ATXN7L3: variants seen among roughly 807,000 people sequenced by gnomAD.
The protein encoded by ATXN7L3 is ataxin 7 like 3.
ATXN7L3 carries 6 observed loss-of-function variants against 50.0 expected under a neutral mutation model. The ratio of observed to expected loss-of-function variants is 0.12; its 90% CI spans 0.07 to 0.24. The LOEUF is 0.24. Among genes scored for constraint, ATXN7L3 ranks in the 10% least tolerant of loss-of-function variants. The pLI is 1.00. For synonymous variants in ATXN7L3, 198 were observed against 165.8 expected (o/e 1.19, Z -1.49); for missense variants, 322 against 451.3 (o/e 0.71, Z 2.60).
At position 44,197,718 on chromosome 17, in the gene ATXN7L3, C is replaced by G; in HGVS notation, c.64G>C (p.Glu22Gln). 1 of 1,614,270 alleles carries G rather than the reference C, an allele frequency of 6.2e-7. No individual in the cohort carries two copies. Residue 22 changes from glutamate (E) to glutamine (Q), a missense_variant, in exon 3 of 13, where the codon GAG becomes CAG. Coordinates refer to ENST00000587097, the MANE Select transcript of ATXN7L3 (RefSeq NM_001382309.1). Reference protein sequence around the residue: ...DNSKLEAIAQEIYADLVEDSC... With the variant: ...DNSKLEAIAQQIYADLVEDSC... ...TCCTCGACCAGGTCCGCGTATATCT[C>G]CTGAGCGATGGCCTGGGCCCCAGGG...
In ATXN7L3 at chr17:44,194,645, T is replaced by G. The variant is rs761687454; in HGVS notation, c.767A>C (p.Asp256Ala). 4 of 1,614,102 alleles carry G rather than the reference T, an allele frequency of 2.5e-6. No homozygotes were observed. In the South Asian group the frequency reaches 4.4e-5, roughly 18 times the overall value. Residue 256 changes from aspartate to alanine, a missense_variant, in exon 12 of 13, where the codon GAT (aspartate) becomes GCT (alanine). Transcript: ENST00000587097. ...AVLPEVESSLDNDSFDMTDSQ... is the reference protein window; with the variant it reads ...AVLPEVESSLANDSFDMTDSQ... ...GTCAGTCATGTCAAAGCTGTCATTATCCAGGGAGCTCTCGACCTCTGGAAG... is the reference window on the plus strand; with the variant it reads ...GTCAGTCATGTCAAAGCTGTCATTAGCCAGGGAGCTCTCGACCTCTGGAAG...
intron 11 of ATXN7L3, 24 bp downstream of exon 11, chr17:44,194,744 C>G (rs1425808109): frequency 1.2e-6 from 2 of 1,613,990 alleles, no homozygotes; most frequent in Admixed American, 3.3e-5. Context: ...CACAACCCCC[C>G]ACCCTTCCTG....
intron 10 of ATXN7L3, 60 bp downstream of exon 10, chr17:44,195,037 C>T (rs2055832922): frequency 3.8e-6 from 6 of 1,591,038 alleles, no homozygotes; most frequent in East Asian, 2.2e-5. Flanking sequence ...GTACTCCCAA[C>T]CCATGCCCAT....
chr17:44,195,360 C>T, intron 9 of ATXN7L3, 59 bp downstream of exon 9: 2 of 1,552,578 alleles, frequency 1.3e-6, no homozygotes, highest in South Asian at 1.1e-5. Flanking sequence ...AGGCCTTGAC[C>T]ACTGCCTATG....
At chr17:44,195,548 G>A in intron 8 of ATXN7L3, 61 bp from the exon 9 acceptor site, 4 of 1,521,156 alleles carry the variant, frequency 2.6e-6, no homozygotes, top group Non-Finnish European at 3.6e-6. Context: ...GGACAGGGGT[G>A]GAAGTGAGAA....
intron 6 of ATXN7L3, 80 bp from the exon 7 acceptor site, chr17:44,196,159 T>C: frequency 2.0e-6 from 3 of 1,505,230 alleles, no homozygotes; most frequent in Non-Finnish European, 2.8e-6. Context: ...AAAAAAGATT[T>C]GACAAAGCAG....
Position 44,196,398 on chromosome 17 carries a change from T to C in ATXN7L3, c.475A>G (p.Lys159Glu). ...CCAATGCCTGGCCCGGCTCTCACCT[T>C]GTCTGACTTTCTCTTCTTGGCTGTG... is the stretch of plus-strand genomic sequence containing the variant. ...EKKAKKRKSD[K>E]NPNSPRRSKS... The change falls in exon 6 of 13, where the codon AAG becomes GAG. Residue 159 changes from lysine to glutamate, a missense_variant and splice_region_variant. Physicochemically the swap from Lys to Glu is moderately conservative, Grantham distance 56. Transcript: ENST00000587097. 1 of 1,614,098 alleles carries C rather than the reference T, an allele frequency of 6.2e-7. No homozygotes were observed.
rs1215673514 is a variant in ATXN7L3, at chr17:44,194,356, C to T, written c.951G>A (p.Leu317=). 1.2e-6 allele frequency: 2 copies of T among 1,614,126 alleles called. No homozygotes were observed. Among genetic ancestry groups the T allele is most frequent in the Admixed American group, 3.3e-5 (2 of 60,010 alleles). Residue 317 remains leucine (L), a synonymous_variant, in exon 13 of 13, where the codon CTG becomes CTA. Coordinates refer to ENST00000587097, the MANE Select transcript of ATXN7L3 (RefSeq NM_001382309.1). ...AACCTAGGCCGGAGGCAGTCCCTAC[C>T]AGGCTCAGATGGGATTTCTTTTTCT... ...KTKKKKSHLS[L]VGTASGLGSN... is the part of the protein sequence containing the mutation.
In ATXN7L3 at chr17:44,194,181, G is replaced by A. The variant is rs1241625851; in HGVS notation, c.*82C>T. The A allele has an allele frequency of 3.3e-6, 5 of 1,529,504 alleles. No individual in the cohort carries two copies. The highest frequency in any genetic ancestry group is 3.5e-6 in the Non-Finnish European group (4 of 1,133,232). 94.7% of individuals were successfully genotyped at this position (1,529,504 alleles called of 1,614,324 possible). On this transcript the variant is annotated 3_prime_UTR_variant, in exon 13 of 13. Coordinates refer to ENST00000587097, the MANE Select transcript of ATXN7L3 (RefSeq NM_001382309.1). ...TCCCAAGCCCCAACCCCCAGCAGCC[G>A]TCCATTTGCCAGGCTATGCCACCTG... is the stretch of plus-strand genomic sequence containing the variant.
chr17:44,195,296 T>C lies in ATXN7L3; in HGVS notation c.621+123A>G. 5 of 1,371,312 alleles carry C rather than the reference T, an allele frequency of 3.6e-6. No homozygotes were observed. In the South Asian group the frequency reaches 4.7e-5, roughly 13 times the overall value. The allele number at this position is 1,371,312 out of a possible 1,614,324, so 84.9% of individuals were successfully genotyped here. A position where few individuals can be genotyped will look rare whatever the true frequency, so the allele number is the denominator to read the frequency against. ...GGACACTATGGGCCGGGAAACCTAA[T>C]TCCAGACAGAGAGAACGATACGGCC... On this transcript the variant is annotated intron_variant, in intron 9 of 12. Coordinates refer to ENST00000587097, the MANE Select transcript of ATXN7L3 (RefSeq NM_001382309.1).
In ATXN7L3 at chr17:44,196,086, T is replaced by C. The variant is rs1360540158; in HGVS notation, c.478-7A>G. The stretch of plus-strand genomic sequence containing the variant: ...TTCGAGGGGAATTGGGGTTCTGGAA[T>C]GGGAGATACCATAGCTTTGGGGAAA... On this transcript the variant is annotated splice_region_variant and splice_polypyrimidine_tract_variant and intron_variant, in intron 6 of 12. Transcript: ENST00000587097. 4.3e-6 allele frequency: 7 copies of C among 1,612,756 alleles called. No homozygotes were observed. Among genetic ancestry groups the C allele is most frequent in the Non-Finnish European group, 5.9e-6 (7 of 1,178,974 alleles).
chr17:44,192,394 G>A lies in ATXN7L3; in HGVS notation c.*1869C>T, dbSNP rs1360299765. 2 of 152,266 alleles carry A rather than the reference G, an allele frequency of 1.3e-5. No individual in the cohort carries two copies. The highest frequency in any genetic ancestry group is 4.8e-5 in the African/African-American group (2 of 41,456). 9.4% of individuals were successfully genotyped at this position (152,266 alleles called of 1,614,324 possible). A position where few individuals can be genotyped will look rare whatever the true frequency, so the allele number is the denominator to read the frequency against. ...ACTTCTCCCTCCTCCAACCAGAAGG[G>A]GGGAAAAGGGAGAGGCCACAGGGCA... On this transcript the variant is annotated 3_prime_UTR_variant, in exon 13 of 13. Transcript: ENST00000587097.
Position 44,196,133 on chromosome 17 carries a change from G to A in ATXN7L3, c.478-54C>T, listed in dbSNP as rs370782412. On this transcript the variant is annotated intron_variant, in intron 6 of 12. Transcript: ENST00000587097. ...GAAAGGGTAACGAAAAGGGGGAGCC[G>A]AGAACCCAGGGAAGGAAAAAAGATT... is the stretch of plus-strand genomic sequence containing the variant. 373 of 1,559,624 alleles carry A rather than the reference G, an allele frequency of 2.4e-4. 2 individuals carry two copies. In the East Asian group the frequency reaches 7.1e-3, roughly 30 times the overall value.
intron 1 of ATXN7L3, 176 bp downstream of exon 1, chr17:44,199,320 C>G (rs1005404468): frequency 1.3e-5 from 2 of 151,326 alleles, no homozygotes; most frequent in Non-Finnish European, 3.0e-5. Context: ...AGCCAGGGGC[C>G]CCGGCCCGGC....
intron 8 of ATXN7L3, 58 bp from the exon 9 acceptor site, chr17:44,195,545 G>A (rs888882718): frequency 7.2e-6 from 11 of 1,532,678 alleles, no homozygotes; most frequent in Non-Finnish European, 9.9e-6. Flanking sequence ...GAAGGACAGG[G>A]GTGGAAGTGA....
chr17:44,195,913 G>T, intron 7 of ATXN7L3, 85 bp from the exon 8 acceptor site: 1 of 1,566,602 alleles, frequency 6.4e-7, no homozygotes, highest in African/African-American at 1.4e-5. Context: ...GGAAGTGGGG[G>T]TGACAGAAGG....
chr17:44,199,448 C>G (rs1360125820), intron 1 of ATXN7L3, 48 bp downstream of exon 1: 2 of 144,712 alleles, frequency 1.4e-5, no homozygotes, highest in African/African-American at 5.1e-5. Context: ...CCCCCGCCCC[C>G]CACAGGCCCC....
rs2055947644 is a variant in ATXN7L3, at chr17:44,197,414, G to A, written c.185-15C>T. 1 of 1,584,942 alleles carries A rather than the reference G, an allele frequency of 6.3e-7. No individual in the cohort carries two copies. The highest frequency in any genetic ancestry group is 8.6e-7 in the Non-Finnish European group (1 of 1,161,810). Reference sequence around the variant, plus strand: ...GTCCACGATCTCTGGGGACAGGAGAGGCTGGCGATCAGGGTGGGCAGGACC... The same window carrying A: ...GTCCACGATCTCTGGGGACAGGAGAAGCTGGCGATCAGGGTGGGCAGGACC... On this transcript the variant is annotated splice_polypyrimidine_tract_variant and intron_variant, in intron 3 of 12. Coordinates refer to ENST00000587097, the MANE Select transcript of ATXN7L3 (RefSeq NM_001382309.1).
In ATXN7L3 at chr17:44,194,176, C is replaced by A; in HGVS notation, c.*87G>T. The A allele has an allele frequency of 6.6e-7, 1 of 1,517,460 alleles. No homozygotes were observed. Among genetic ancestry groups the A allele is most frequent in the Non-Finnish European group, 8.9e-7 (1 of 1,125,244 alleles). 94.0% of individuals were successfully genotyped at this position (1,517,460 alleles called of 1,614,324 possible). A position where few individuals can be genotyped will look rare whatever the true frequency, so the allele number is the denominator to read the frequency against. ...AAGCTTCCCAAGCCCCAACCCCCAG[C>A]AGCCGTCCATTTGCCAGGCTATGCC... On this transcript the variant is annotated 3_prime_UTR_variant, in exon 13 of 13. Transcript: ENST00000587097.
Sources: gnomAD v4.1 joint callset for allele counts on GRCh38, gnomAD v4.1.1 for gene constraint, MANE v1.5 for transcripts, NCBI Gene and HGNC (gene_info 2026-07-23, HGNC 2026-07-21) for gene names.